The following HSPB8 variants were observed in gnomAD, a reference collection of about 807,000 sequenced individuals.
HSPB8 encodes the protein heat shock protein beta-8.
In HSPB8, 9 loss-of-function variants were observed where a neutral mutation model predicts 16.5. The ratio of observed to expected loss-of-function variants is 0.55; its 90% CI spans 0.33 to 0.95. The LOEUF (loss-of-function observed/expected upper bound fraction) is 0.95. Ranked by LOEUF, HSPB8 falls within the 40% of genes least tolerant of loss-of-function variation. The pLI is 0.03. For missense variants in HSPB8, 238 were observed against 251.2 expected (o/e 0.95, Z 0.35); for synonymous variants, 99 against 94.8 (o/e 1.04, Z -0.26).
chr12:119,190,297 T>A (rs184186884), intron 2 of HSPB8, among the ~76,000 whole-genome samples: 1 of 152,120 alleles, frequency 6.6e-6, no homozygotes, highest in Admixed American at 6.5e-5. Context: ...ATCTCAGGAG[T>A]CCTCGTTGCC....
intron 2 of HSPB8, among the ~76,000 whole-genome samples, chr12:119,189,305 GT>G (rs1954697023): frequency 4.3e-5 from 3 of 69,602 alleles, no homozygotes; most frequent in African/African-American, 9.8e-5. Flanking sequence ...TAAAAGGGGT[GT>G]GTGTGTGTGT....
intron 1 of HSPB8, among the ~76,000 whole-genome samples, chr12:119,184,107 A>G (rs1486760116): frequency 1.3e-5 from 2 of 152,176 alleles, no homozygotes; most frequent in Non-Finnish European, 2.9e-5. Flanking sequence ...CCAACACCCA[A>G]TATTCCAGAA....
At chr12:119,185,858 G>C (rs1954672694) in intron 1 of HSPB8, among the ~76,000 whole-genome samples, 2 of 152,046 alleles carry the variant, frequency 1.3e-5, no homozygotes, top group African/African-American at 4.8e-5. Context: ...AAAGTAATTA[G>C]CTATAAGTTG....
chr12:119,184,593 G>A lies in HSPB8; in HGVS notation c.368-2432G>A, dbSNP rs186739641. On this transcript the variant is annotated intron_variant, in intron 1 of 2. Coordinates refer to ENST00000281938, the MANE Select transcript of HSPB8 (RefSeq NM_014365.3). Reference sequence around the variant, plus strand: ...GCAGCACAAGGTAGACTCTTTAAGCGGCCACACATTCACAGGATAGCATGT... The same window carrying A: ...GCAGCACAAGGTAGACTCTTTAAGCAGCCACACATTCACAGGATAGCATGT... 1.8e-3 allele frequency among the ~76,000 whole-genome samples: 273 copies of A among 152,146 alleles called. 1 individual carries two copies. Among genetic ancestry groups the A allele is most frequent in the Non-Finnish European group, 3.1e-3 (213 of 67,962 alleles).
rs995989266 is a variant in HSPB8, at chr12:119,179,052, G to T, written c.-261G>T. 3 of 549,850 alleles carry T rather than the reference G, an allele frequency of 5.5e-6. No homozygotes were observed. The highest frequency in any genetic ancestry group is 9.8e-6 in the Non-Finnish European group (3 of 305,578). 34.1% of individuals were successfully genotyped at this position (549,850 alleles called of 1,614,324 possible). ...AAGCCTGGGAGGACGGTGGCTTGCC[G>T]GTCTGTCGTGAGGCAGTGCGGACGG... On this transcript the variant is annotated 5_prime_UTR_variant, in exon 1 of 3. Coordinates refer to ENST00000281938, the MANE Select transcript of HSPB8 (RefSeq NM_014365.3).
intron 2 of HSPB8, among the ~76,000 whole-genome samples, chr12:119,187,890 TTGG>T (rs1954686852): frequency 1.3e-5 from 2 of 152,100 alleles, no homozygotes; most frequent in South Asian, 4.1e-4. Flanking sequence ...AAAAATGAAG[TTGG>T]AAAGTGTCCT....
intron 1 of HSPB8, chr12:119,183,110 T>C (rs1376165087): frequency 6.6e-6 from 1 of 152,208 alleles, no homozygotes; most frequent in African/African-American, 2.4e-5. Context: ...GAGTTCAAGG[T>C]CTTGTATGGT....
intron 2 of HSPB8, among the ~76,000 whole-genome samples, chr12:119,189,751 C>T (rs912954079): frequency 2.0e-5 from 3 of 152,140 alleles, no homozygotes; most frequent in East Asian, 3.9e-4. Flanking sequence ...AGATGGGTGC[C>T]GGTCCATGAT....
rs141804414 is a variant in HSPB8 at position 119,188,604 on chromosome 12, C to G, written c.431+1516C>G. 2.7e-4 allele frequency among the ~76,000 whole-genome samples: 41 copies of G among 152,218 alleles called. No individual in the cohort carries two copies. The East Asian group carries it at 7.3e-3, about 27-fold the overall frequency. On this transcript the variant is annotated intron_variant, in intron 2 of 2. Coordinates refer to ENST00000281938, the MANE Select transcript of HSPB8 (RefSeq NM_014365.3). ...TAGCCTTTGCAGCAAAAGTGTGCAT[C>G]GGAGAGGAGACATGACCCTCCTTGC...
chr12:119,184,963 T>G (rs7959112), intron 1 of HSPB8, among the ~76,000 whole-genome samples: 5,992 of 152,206 alleles, frequency 0.039, 450 homozygotes, highest in African/African-American at 0.14. Context: ...AAAAATAAGT[T>G]CCAAACATAA....
At chr12:119,191,885 C>T (rs1373344946) in intron 2 of HSPB8, among the ~76,000 whole-genome samples, 2 of 152,122 alleles carry the variant, frequency 1.3e-5, no homozygotes, top group South Asian at 2.1e-4. Context: ...AGCTGAGCAA[C>T]CTTGGGCAAA....
chr12:119,189,302 G>GGTGTGTGTGT lies in HSPB8; in HGVS notation c.431+2245_431+2254dup, dbSNP rs60310566. 6.1e-3 allele frequency among the ~76,000 whole-genome samples: 880 copies of GGTGTGTGTGT among 143,390 alleles called. 5 individuals are homozygous for GGTGTGTGTGT. The highest frequency in any genetic ancestry group is 9.4e-3 in the African/African-American group (357 of 38,110). The allele number at this position is 143,390 out of a possible 152,430, so 94.1% of individuals were successfully genotyped here. On this transcript the variant is annotated intron_variant, in intron 2 of 2. Transcript: ENST00000281938. ...GAAGTGAATTAATCATCTTAAAAGG[G>GGTGTGTGTGT]GTGTGTGTGTGTGTGTGTGTGTGTG...
intron 2 of HSPB8, among the ~76,000 whole-genome samples, chr12:119,189,335 G>GTGTGTT (rs1954697378): frequency 6.6e-6 from 1 of 150,868 alleles, no homozygotes. Context: ...GTGTGTGTGT[G>GTGTGTT]TGTGTGTATT....
At chr12:119,188,249 T>C (rs866386645) in intron 2 of HSPB8, among the ~76,000 whole-genome samples, 11 of 137,006 alleles carry the variant, frequency 8.0e-5, no homozygotes, top group East Asian at 2.3e-4. Context: ...CTCTCTCTCT[T>C]TTTTTTTTTT....
Position 119,179,510 on chromosome 12 carries a change from G to T in HSPB8, c.198G>T (p.Ser66=), listed in dbSNP as rs1041884451. Reference sequence around the variant, plus strand: ...CCGCCTGGCCAGGCACCCTAAGGTCGGGCATGGTGCCCCGGGGCCCCACTG... The same window carrying T: ...CCGCCTGGCCAGGCACCCTAAGGTCTGGCATGGTGCCCCGGGGCCCCACTG... ...LSSAWPGTLR[S]GMVPRGPTAT... is the part of the protein sequence containing the mutation. The change falls in exon 1 of 3, where the codon TCG becomes TCT. Residue 66 remains serine (S), a synonymous_variant. Coordinates refer to ENST00000281938, the MANE Select transcript of HSPB8 (RefSeq NM_014365.3). 6.2e-7 allele frequency: 1 copy of T among 1,613,970 alleles called. No individual in the cohort carries two copies. The highest frequency in any genetic ancestry group is 8.5e-7 in the Non-Finnish European group (1 of 1,180,018).
In HSPB8 at chr12:119,187,020, T is replaced by G. The variant is rs1954680345; in HGVS notation, c.368-5T>G. 1 of 1,613,942 alleles carries G rather than the reference T, an allele frequency of 6.2e-7. No homozygotes were observed. On this transcript the variant is annotated splice_polypyrimidine_tract_variant and splice_region_variant and intron_variant, in intron 1 of 2. Transcript: ENST00000281938. ...GCTGACACGCCACACTTTTCTTCCT[T>G]CCAGGCAAACATGAAGAGAAACAGC...
Position 119,187,497 on chromosome 12 carries a change from G to C in HSPB8, c.431+409G>C, listed in dbSNP as rs753115046. Among the ~76,000 whole-genome samples the C allele has an allele frequency of 7.9e-5, 12 of 152,130 alleles. 1 individual carries two copies. Among genetic ancestry groups the C allele is most frequent in the Non-Finnish European group, 1.8e-4 (12 of 68,018 alleles). ...AGCCTCCTGAGTAGTTGGGATTACA[G>C]GCATGTGCCACCATGTCCGGCTAAT... On this transcript the variant is annotated intron_variant, in intron 2 of 2. Transcript: ENST00000281938.
intron 1 of HSPB8, chr12:119,186,717 G>A (rs1209470144): frequency 9.7e-6 from 3 of 308,470 alleles, no homozygotes; most frequent in Non-Finnish European, 1.9e-5. Context: ...TACAACACAT[G>A]GAAGATTTGG....
chr12:119,191,945 G>A lies in HSPB8; in HGVS notation c.432-1754G>A, dbSNP rs540014850. Among the ~76,000 whole-genome samples the A allele has an allele frequency of 2.6e-5, 4 of 152,286 alleles. No individual in the cohort carries two copies. The East Asian group carries it at 5.8e-4, about 22-fold the overall frequency. ...TTTCCTCATCTGTAAGATGGGGATA[G>A]CAATGGAATCTGCCTGGTGGGATTA... On this transcript the variant is annotated intron_variant, in intron 2 of 2. Coordinates refer to ENST00000281938, the MANE Select transcript of HSPB8 (RefSeq NM_014365.3).
Sources: gnomAD v4.1 joint callset for allele counts (sites outside exome capture counted in the v4.1 genomes callset) on GRCh38, gnomAD v4.1.1 for gene constraint, MANE v1.5 for transcripts, NCBI Gene and HGNC (gene_info 2026-07-23, HGNC 2026-07-21) for gene names.